The following UMPS variants were observed in gnomAD, a reference collection of about 807,000 sequenced individuals.
The protein encoded by UMPS is uridine 5'-monophosphate synthase.
UMPS carries 21 observed loss-of-function variants against 38.9 expected under a neutral mutation model. The observed-to-expected ratio is 0.54, with a 90% CI of 0.38 to 0.78. The LOEUF (loss-of-function observed/expected upper bound fraction) is 0.78. Among genes scored for constraint, UMPS ranks in the 30% least tolerant of loss-of-function variants. The probability of loss-of-function intolerance (pLI) is 0.00; values close to 1 mark genes in which losing one functional copy is unlikely to be tolerated. For missense variants in UMPS, 533 were observed against 591.6 expected (o/e 0.90, Z 1.03); for synonymous variants, 208 against 219.3 (o/e 0.95, Z 0.45).
At chr3:124,735,599 T>G (rs1020163766) in intron 2 of UMPS, among the ~76,000 whole-genome samples, 2 of 152,188 alleles carry the variant, frequency 1.3e-5, no homozygotes, top group East Asian at 3.8e-4. Flanking sequence ...ATGGATAAAA[T>G]TACTCTCATA....
intron 2 of UMPS, 152 bp downstream of exon 2, chr3:124,735,398 C>A (rs2063510933): frequency 1.3e-6 from 1 of 784,504 alleles, no homozygotes; most frequent in Non-Finnish European, 2.0e-6. Flanking sequence ...TACTATAAGT[C>A]ACCTTCCTTT....
intron 1 of UMPS, 112 bp downstream of exon 1, chr3:124,730,739 C>A: frequency 7.9e-7 from 1 of 1,258,126 alleles, no homozygotes; most frequent in Non-Finnish European, 1.1e-6. Context: ...GCCAAGCAGG[C>A]AGACCGACCC....
intron 3 of UMPS, among the ~76,000 whole-genome samples, chr3:124,739,205 T>C (rs1553748777): frequency 6.6e-6 from 1 of 152,248 alleles, no homozygotes; most frequent in Non-Finnish European, 1.5e-5. Flanking sequence ...TTAAAAGGAA[T>C]ATAGTTGCCT....
rs1424361940 is a variant in UMPS at position 124,748,522 on chromosome 3, T to C, written c.*4438T>C. On this transcript the variant is annotated 3_prime_UTR_variant, in exon 6 of 6. Transcript: ENST00000232607. Reference sequence around the variant, plus strand: ...TTTAGAAGCACATTTGCCTAGCCCTTTCCTTCCCACCAAGGGGGAAAGTCT... The same window carrying C: ...TTTAGAAGCACATTTGCCTAGCCCTCTCCTTCCCACCAAGGGGGAAAGTCT... The C allele has an allele frequency of 2.2e-6, 1 of 453,958 alleles. No individual in the cohort carries two copies. The highest frequency in any genetic ancestry group is 4.4e-6 in the Non-Finnish European group (1 of 226,778). The allele number at this position is 453,958 out of a possible 1,614,324, so 28.1% of individuals were successfully genotyped here.
chr3:124,738,007 G>C lies in UMPS; in HGVS notation c.750G>C (p.Lys250Asn). 6.2e-7 allele frequency: 1 copy of C among 1,614,192 alleles called. No individual in the cohort carries two copies. Among genetic ancestry groups the C allele is most frequent in the Non-Finnish European group, 8.5e-7 (1 of 1,180,018 alleles). The change falls in exon 3 of 6, where the codon AAG becomes AAC. Residue 250 changes from lysine to asparagine, a missense_variant. Physicochemically the swap from Lys to Asn is moderately conservative, Grantham distance 94. Transcript: ENST00000232607. ...ASKLLRLMQK[K>N]ETNLCLSADV... Reference sequence around the variant, plus strand: ...AGCTTCTCAGGCTTATGCAAAAGAAGGAGACCAATCTGTGTCTATCTGCTG... The same window carrying C: ...AGCTTCTCAGGCTTATGCAAAAGAACGAGACCAATCTGTGTCTATCTGCTG...
chr3:124,746,348 G>C lies in UMPS; in HGVS notation c.*2264G>C, dbSNP rs1418975783. ...ATTTGTGGTTTGCCCAGCAGCCTGG[G>C]CGTGTGCATTTCTAATGGGTGCCTC... On this transcript the variant is annotated 3_prime_UTR_variant, in exon 6 of 6. Transcript: ENST00000232607. 4.4e-6 allele frequency: 2 copies of C among 454,040 alleles called. No homozygotes were observed. Among genetic ancestry groups the C allele is most frequent in the African/African-American group, 4.0e-5 (2 of 50,028 alleles). The allele number at this position is 454,040 out of a possible 1,614,324, so 28.1% of individuals were successfully genotyped here.
chr3:124,747,747 C>T lies in UMPS; in HGVS notation c.*3663C>T, dbSNP rs1336968892. 4.4e-6 allele frequency: 2 copies of T among 452,128 alleles called. No homozygotes were observed. Among genetic ancestry groups the T allele is most frequent in the East Asian group, 1.4e-4 (2 of 14,332 alleles). 28.0% of individuals were successfully genotyped at this position (452,128 alleles called of 1,614,324 possible). ...AGCCTGGTTACCAGGAAGACAAAAA[C>T]TGGGCTCCACCAGGAACCAGTCTTC... On this transcript the variant is annotated 3_prime_UTR_variant, in exon 6 of 6. Transcript: ENST00000232607.
chr3:124,742,266 G>A lies in UMPS; in HGVS notation c.1273G>A (p.Gly425Arg), dbSNP rs2063562246. Residue 425 changes from glycine to arginine, a missense_variant and splice_region_variant, in exon 5 of 6, where the codon GGA becomes AGA. Transcript: ENST00000232607. ...TCCAGGAGTTCAGTTGGAAGCAGGA[G>A]GTAAATCTGGTCACTGGTCGTGGCT... ...LTPGVQLEAG[G>R]DNLGQQYNSP... is the part of the protein sequence containing the mutation. 6.2e-7 allele frequency: 1 copy of A among 1,610,456 alleles called. No homozygotes were observed. Among genetic ancestry groups the A allele is most frequent in the Non-Finnish European group, 8.5e-7 (1 of 1,176,678 alleles).
At chr3:124,741,509 G>A (rs1489679191) in intron 4 of UMPS, among the ~76,000 whole-genome samples, 1 of 152,204 alleles carries the variant, frequency 6.6e-6, no homozygotes, top group Non-Finnish European at 1.5e-5. Context: ...GAAAGTGGTA[G>A]AGGTGAGATT....
Position 124,742,276 on chromosome 3 carries a change from G to T in UMPS, c.1273+10G>T. On this transcript the variant is annotated intron_variant, in intron 5 of 5. Transcript: ENST00000232607. ...CAGTTGGAAGCAGGAGGTAAATCTG[G>T]TCACTGGTCGTGGCTCTTCCAAAAA... The T allele has an allele frequency of 6.3e-7, 1 of 1,599,942 alleles. No homozygotes were observed. The highest frequency in any genetic ancestry group is 8.6e-7 in the Non-Finnish European group (1 of 1,167,134).
At chr3:124,743,802 A>C in intron 5 of UMPS, 113 bp from the exon 6 acceptor site, 1 of 1,370,212 alleles carries the variant, frequency 7.3e-7, no homozygotes, top group Non-Finnish European at 1.0e-6. Flanking sequence ...AGGGGAACGA[A>C]AGTAGGGGCA....
At chr3:124,731,880 GAAA>G (rs61322671) in intron 1 of UMPS, among the ~76,000 whole-genome samples, 5 of 121,464 alleles carry the variant, frequency 4.1e-5, no homozygotes, top group Non-Finnish European at 5.1e-5. Context: ...GACTGTCTCA[GAAA>G]AAAAAAAAAA....
chr3:124,737,811 A>G lies in UMPS; in HGVS notation c.554A>G (p.Gln185Arg), dbSNP rs368167887. ...TLSKMLEILE[Q>R]QKKVDAETVG... is the part of the protein sequence containing the mutation. ...TCCAAAATGCTGGAGATTCTCGAGC[A>G]GCAGAAAAAAGTTGATGCTGAGACA... The change falls in exon 3 of 6, where the codon CAG becomes CGG. Residue 185 changes from glutamine (Q) to arginine (R), a missense_variant. By Grantham distance (43) the Gln-to-Arg change is conservative. Transcript: ENST00000232607. The G allele has an allele frequency of 3.1e-6, 5 of 1,614,224 alleles. No individual in the cohort carries two copies. The highest frequency in any genetic ancestry group is 4.2e-6 in the Non-Finnish European group (5 of 1,180,038).
intron 5 of UMPS, among the ~76,000 whole-genome samples, chr3:124,743,345 T>TA (rs2063570116): frequency 1.4e-5 from 2 of 138,136 alleles, no homozygotes; most frequent in Admixed American, 7.5e-5. Flanking sequence ...AAAAAATAAA[T>TA]AAATAAATAG....
At chr3:124,730,773 A>G (rs1159856742) in intron 1 of UMPS, 146 bp downstream of exon 1, 2 of 921,630 alleles carry the variant, frequency 2.2e-6, no homozygotes, top group Non-Finnish European at 3.2e-6. Flanking sequence ...GGGAGTAAGC[A>G]TGAGAAGCAC....
At position 124,743,950 on chromosome 3, in the gene UMPS, G is replaced by A; in HGVS notation, c.1309G>A (p.Glu437Lys). The A allele has an allele frequency of 1.2e-6, 2 of 1,614,186 alleles. No individual in the cohort carries two copies. Among genetic ancestry groups the A allele is most frequent in the South Asian group, 2.2e-5 (2 of 91,086 alleles). ...NLGQQYNSPQ[E>K]VIGKRGSDII... The stretch of plus-strand genomic sequence containing the variant: ...TGGCCAACAGTACAATAGCCCACAA[G>A]AAGTTATTGGCAAACGAGGTTCCGA... The change falls in exon 6 of 6, where the codon GAA (glutamate) becomes AAA (lysine). Residue 437 changes from glutamate (E) to lysine (K), a missense_variant. Coordinates refer to ENST00000232607, the MANE Select transcript of UMPS (RefSeq NM_000373.4).
At chr3:124,735,989 C>T (rs1277628838) in intron 2 of UMPS, among the ~76,000 whole-genome samples, 1 of 151,150 alleles carries the variant, frequency 6.6e-6, no homozygotes, top group Non-Finnish European at 1.5e-5. Context: ...ACAAAAAAAA[C>T]CCTGAAAATT....
Position 124,744,013 on chromosome 3 carries a change from G to A in UMPS, c.1372G>A (p.Asp458Asn). ...AGGTCGTGGCATAATCTCAGCAGCT[G>A]ATCGTCTGGAAGCAGCAGAGATGTA... is the stretch of plus-strand genomic sequence containing the variant. ...IVGRGIISAA[D>N]RLEAAEMYRK... Residue 458 changes from aspartate (D) to asparagine (N), a missense_variant, in exon 6 of 6, where the codon GAT becomes AAT. Coordinates refer to ENST00000232607, the MANE Select transcript of UMPS (RefSeq NM_000373.4). 1 of 1,614,230 alleles carries A rather than the reference G, an allele frequency of 6.2e-7. No individual in the cohort carries two copies.
chr3:124,732,750 A>G (rs1327157513), intron 1 of UMPS, among the ~76,000 whole-genome samples: 4 of 152,218 alleles, frequency 2.6e-5, no homozygotes, highest in Admixed American at 2.6e-4. Context: ...TATGTTCACT[A>G]GGGACCACTT....
Sources: gnomAD v4.1 joint callset for allele counts (sites outside exome capture counted in the v4.1 genomes callset) on GRCh38, gnomAD v4.1.1 for gene constraint, MANE v1.5 for transcripts, NCBI Gene and HGNC (gene_info 2026-07-23, HGNC 2026-07-21) for gene names.